Variants in QRICH1 observed in about 807,000 individuals in gnomAD.
The protein encoded by QRICH1 is glutamine rich 1.
A neutral mutation model predicts 87.1 loss-of-function variants in QRICH1; 16 were observed. The ratio of observed to expected loss-of-function variants is 0.18; its 90% CI spans 0.12 to 0.28. QRICH1 has a LOEUF of 0.28. QRICH1 is among the 10% of genes least tolerant of loss of function. The pLI is 1.00. For synonymous variants in QRICH1, 367 were observed against 368.4 expected (o/e 1.00, Z 0.05); for missense variants, 647 against 951.7 (o/e 0.68, Z 4.21).
chr3:49,056,751 TCA>T, intron 3 of QRICH1, 109 bp downstream of exon 3: 1 of 1,503,122 alleles, frequency 6.7e-7, no homozygotes, highest in Non-Finnish European at 9.1e-7. Flanking sequence ...AAATACTGCA[TCA>T]CTGTAAGAGT....
intron 6 of QRICH1, 52 bp from the exon 7 acceptor site, chr3:49,033,280 A>C (rs769225268): frequency 8.6e-7 from 1 of 1,167,098 alleles, no homozygotes; most frequent in Non-Finnish European, 1.2e-6. Flanking sequence ...TGGTCTCTCA[A>C]AGGTACAATA....
intron 9 of QRICH1, among the ~76,000 whole-genome samples, chr3:49,031,136 G>A (rs902123703): frequency 6.6e-6 from 1 of 151,956 alleles, no homozygotes; most frequent in African/African-American, 2.4e-5. Flanking sequence ...ATAGGCACGA[G>A]CCACCAAGCC....
intron 1 of QRICH1, among the ~76,000 whole-genome samples, chr3:49,084,301 G>A (rs927824122): frequency 6.6e-6 from 1 of 151,198 alleles, no homozygotes; most frequent in Non-Finnish European, 1.5e-5. Flanking sequence ...TGTCGCCCAG[G>A]CTGGAGCGTA....
chr3:49,047,721 A>C (rs1325822953), intron 3 of QRICH1, among the ~76,000 whole-genome samples: 1 of 151,952 alleles, frequency 6.6e-6, no homozygotes, highest in Non-Finnish European at 1.5e-5. Flanking sequence ...AACCTCAGGT[A>C]ATCTGCCCGC....
At chr3:49,083,079 G>A (rs2042094781) in intron 1 of QRICH1, among the ~76,000 whole-genome samples, 1 of 151,284 alleles carries the variant, frequency 6.6e-6, no homozygotes, top group Admixed American at 6.6e-5. Flanking sequence ...GGTAGAGCAT[G>A]CCTGTAATCC....
intron 3 of QRICH1, among the ~76,000 whole-genome samples, chr3:49,055,211 A>G (rs1193044992): frequency 6.6e-6 from 1 of 152,104 alleles, no homozygotes; most frequent in Admixed American, 6.5e-5. Context: ...ACCTTTGCTT[A>G]ATTAATCACT....
At chr3:49,084,986 CA>C (rs1188385385) in intron 1 of QRICH1, among the ~76,000 whole-genome samples, 20 of 149,578 alleles carry the variant, frequency 1.3e-4, no homozygotes, top group East Asian at 2.0e-4. Context: ...ACTAAAAATA[CA>C]AAAAAATTAG....
chr3:49,033,096 C>G, intron 7 of QRICH1, 24 bp downstream of exon 7: 3 of 1,438,848 alleles, frequency 2.1e-6, no homozygotes, highest in Non-Finnish European at 2.8e-6. Flanking sequence ...CAGATGCCAG[C>G]AGTGGAGCCT....
intron 2 of QRICH1, among the ~76,000 whole-genome samples, chr3:49,065,016 G>GA (rs1419810443): frequency 2.0e-5 from 3 of 150,720 alleles, no homozygotes; most frequent in Non-Finnish European, 4.4e-5. Context: ...AGTTGTTCTA[G>GA]AAAAAAACAA....
At chr3:49,061,181 G>A (rs1278163816) in intron 2 of QRICH1, among the ~76,000 whole-genome samples, 2 of 133,740 alleles carry the variant, frequency 1.5e-5, no homozygotes, top group South Asian at 2.5e-4. Flanking sequence ...AACACCTAAT[G>A]ATGTGAGGTG....
chr3:49,043,756 C>T (rs2093324245), intron 6 of QRICH1, among the ~76,000 whole-genome samples: 1 of 151,994 alleles, frequency 6.6e-6, no homozygotes, highest in East Asian at 1.9e-4. Context: ...GAATTGGGAC[C>T]TGGGAGGCGG....
rs2093351700 is a variant in QRICH1 at position 49,048,507 on chromosome 3, G to GTA, written c.1339-1262_1339-1261insTA. The stretch of plus-strand genomic sequence containing the variant: ...AAAAAAAAAAAAAAAAACCCACCCT[G>GTA]GCCGGGTGCAGTGGCTCACACCTGT... On this transcript the variant is annotated intron_variant, in intron 3 of 9. Transcript: ENST00000395443. Among the ~76,000 whole-genome samples, 4 of 150,370 alleles carry GTA rather than the reference G, an allele frequency of 2.7e-5. No individual in the cohort carries two copies. The East Asian group carries it at 7.9e-4, about 30-fold the overall frequency.
chr3:49,050,185 C>A (rs1314711119), intron 3 of QRICH1, among the ~76,000 whole-genome samples: 1 of 139,878 alleles, frequency 7.1e-6, no homozygotes, highest in Non-Finnish European at 1.5e-5. Context: ...GGAGGCGGAG[C>A]TTGCAGTGAG....
In QRICH1 at chr3:49,032,665, G is replaced by A. The variant is rs1174385638; in HGVS notation, c.2004C>T (p.Ile668=). ...GTATTCCAAGGGCCTTCAAGTACCG[G>A]ATACTCGTGCTTTTATCCTTGGGAT... The part of the protein sequence containing the change: ...PSNPKDKSTS[I]RYLKALGIHQ... The change falls in exon 8 of 10, where the codon ATC becomes ATT. Residue 668 remains isoleucine (I), a synonymous_variant. Coordinates refer to ENST00000395443, the MANE Select transcript of QRICH1 (RefSeq NM_198880.3). The A allele has an allele frequency of 6.2e-7, 1 of 1,611,462 alleles. No homozygotes were observed. Among genetic ancestry groups the A allele is most frequent in the East Asian group, 2.2e-5 (1 of 44,824 alleles).
intron 2 of QRICH1, among the ~76,000 whole-genome samples, chr3:49,064,679 C>G (rs1033929103): frequency 6.6e-6 from 1 of 152,070 alleles, no homozygotes; most frequent in African/African-American, 2.4e-5. Context: ...TCCTGGCTAA[C>G]ACGGTGAAAC....
At chr3:49,056,040 A>G (rs900249259) in intron 3 of QRICH1, among the ~76,000 whole-genome samples, 5 of 151,838 alleles carry the variant, frequency 3.3e-5, no homozygotes, top group African/African-American at 1.2e-4. Context: ...CAATGGCGCA[A>G]TCTCAGCTCA....
intron 1 of QRICH1, among the ~76,000 whole-genome samples, chr3:49,077,763 G>A (rs748581096): frequency 2.0e-5 from 3 of 152,014 alleles, no homozygotes; most frequent in South Asian, 2.1e-4. Flanking sequence ...GTTGACATAA[G>A]GATTAAATAA....
At chr3:49,055,944 A>G (rs6798112) in intron 3 of QRICH1, among the ~76,000 whole-genome samples, 124,337 of 151,900 alleles carry the variant, frequency 0.82, 51,237 homozygotes, top group East Asian at 1. Flanking sequence ...CTCCCAAAGT[A>G]CTGGGGTAAC....
At chr3:49,045,807 G>T (rs188257562) in intron 5 of QRICH1, among the ~76,000 whole-genome samples, 1 of 151,010 alleles carries the variant, frequency 6.6e-6, no homozygotes, top group Non-Finnish European at 1.5e-5. Flanking sequence ...GCCTAGGCTG[G>T]TCTCAAACTC....
Sources: allele counts gnomAD v4.1 joint callset (sites outside exome capture counted in the v4.1 genomes callset), GRCh38; gene constraint gnomAD v4.1.1; transcripts MANE v1.5; gene names NCBI Gene and HGNC (gene_info 2026-07-23, HGNC 2026-07-21).